Variants in RALGDS observed in about 807,000 individuals in gnomAD.
The protein encoded by RALGDS is ral guanine nucleotide exchange factor.
Under a neutral mutation model 99.8 loss-of-function variants are expected in RALGDS, and 44 were observed. The ratio of observed to expected loss-of-function variants is 0.44; its 90% CI spans 0.35 to 0.57. The LOEUF (loss-of-function observed/expected upper bound fraction) is 0.57, where lower values mean the gene tolerates loss of function less well. Ranked by LOEUF, RALGDS falls within the 20% of genes least tolerant of loss-of-function variation. The probability of loss-of-function intolerance (pLI) is 0.01; values close to 1 mark genes in which losing one functional copy is unlikely to be tolerated. For synonymous variants in RALGDS, 529 were observed against 505.0 expected (o/e 1.05, Z -0.64); for missense variants, 1,022 against 1,203.1 (o/e 0.85, Z 2.23).
At chr9:133,118,698 C>A (rs1831745865) in intron 1 of RALGDS, among the ~76,000 whole-genome samples, 1 of 152,206 alleles carries the variant, frequency 6.6e-6, no homozygotes. Flanking sequence ...TTCCTCTGAG[C>A]CATAAGCTTC....
At chr9:133,123,957 C>CAGAGAGACAGAGACACAG (rs1832052822), upstream of RALGDS, among the ~76,000 whole-genome samples, 1 of 146,224 alleles carries the variant, frequency 6.8e-6, no homozygotes. Context: ...GATGCACACA[C>CAGAGAGACAGAGACACAG]AGAGACACAC....
At position 133,107,285 on chromosome 9, in the gene RALGDS, CCTT is replaced by C; in HGVS notation, c.1210_1212del (p.Lys404del). On this transcript the variant is annotated inframe_deletion, in exon 7 of 18. Transcript: ENST00000372050. ...GAGCCCAGGCAGTGGTAGGGCACCA[CCTT>C]CTTGAACAGTTCCTGGGGAGGAGGC... 1.2e-6 allele frequency: 2 copies of C among 1,613,450 alleles called. No homozygotes were observed. Among genetic ancestry groups the C allele is most frequent in the Non-Finnish European group, 1.7e-6 (2 of 1,179,834 alleles).
At chr9:133,142,623 C>CCCCA (rs1832541978) in intron 1 of RALGDS, among the ~76,000 whole-genome samples, 1 of 152,174 alleles carries the variant, frequency 6.6e-6, no homozygotes, top group African/African-American at 2.4e-5. Context: ...TAAGCTCACA[C>CCCCA]CCCACCCCTA....
At chr9:133,121,279 G>A, upstream of RALGDS, 4 of 980,118 alleles carry the variant, frequency 4.1e-6, no homozygotes, top group Non-Finnish European at 4.8e-6. Flanking sequence ...TCAGGCTGGG[G>A]GGCGGGGCCG....
Position 133,108,814 on chromosome 9 carries a change from A to C in RALGDS, c.637T>G (p.Cys213Gly). 1 of 1,613,342 alleles carries C rather than the reference A, an allele frequency of 6.2e-7. No homozygotes were observed. The highest frequency in any genetic ancestry group is 8.5e-7 in the Non-Finnish European group (1 of 1,179,958). ...AGGCAGGGAAAGTCCGGAGGTTGAC[A>C]GAAATCCTCCGAGTACTGGTCCAGC... is the stretch of plus-strand genomic sequence containing the variant. ...TWLDQYSEDF[C>G]QPPDFPCLKQ... Residue 213 changes from cysteine (C) to glycine (G), a missense_variant, in exon 5 of 18, where the codon TGT becomes GGT. Transcript: ENST00000372050.
intron 1 of RALGDS, among the ~76,000 whole-genome samples, chr9:133,138,760 G>A (rs928790509): frequency 2.0e-5 from 3 of 152,084 alleles, no homozygotes; most frequent in Admixed American, 1.3e-4. Flanking sequence ...TCAGCCTCCC[G>A]AGTAGCTGGA....
rs994489463 is a variant in RALGDS at position 133,144,677 on chromosome 9, G to A, written c.18+4286C>T. On this transcript the variant is annotated intron_variant, in intron 1 of 17. Coordinates refer to the RALGDS transcript ENST00000393160. The surrounding 1 kb of genome is among the most constrained non-coding windows in gnomAD (Gnocchi z 4.5). ...CTCACGCCCCCACACCCCCTGGCTGGGGGCTGGGTTCCTGCGATGTCTTCC... is the reference window on the plus strand; with the variant it reads ...CTCACGCCCCCACACCCCCTGGCTGAGGGCTGGGTTCCTGCGATGTCTTCC... Among the ~76,000 whole-genome samples the A allele has an allele frequency of 5.9e-5, 9 of 152,212 alleles. No individual in the cohort carries two copies. Among genetic ancestry groups the A allele is most frequent in the Non-Finnish European group, 1.2e-4 (8 of 68,026 alleles).
At chr9:133,123,909 GAC>G (rs61109579), upstream of RALGDS, among the ~76,000 whole-genome samples, 14,974 of 27,584 alleles carry the variant, frequency 0.54, 4,939 homozygotes, top group Non-Finnish European at 0.67. Context: ...CAGAGACACA[GAC>G]ACACACACAC....
chr9:133,115,052 C>A (rs1157418704), intron 1 of RALGDS, among the ~76,000 whole-genome samples: 1 of 152,174 alleles, frequency 6.6e-6, no homozygotes, highest in Non-Finnish European at 1.5e-5. Flanking sequence ...ATGCCGTGTC[C>A]CTGGCTGACA....
chr9:133,128,989 A>G (rs1308401540), intron 1 of RALGDS: 24 of 985,472 alleles, frequency 2.4e-5, no homozygotes, highest in Admixed American at 3.0e-5. Context: ...GAGATGGGAG[A>G]TGAAGACTCC....
intron 1 of RALGDS, chr9:133,129,358 G>A: frequency 1.3e-6 from 2 of 1,528,286 alleles, no homozygotes; most frequent in African/African-American, 1.4e-5. Context: ...CCCTGCGGGA[G>A]GCCCTCTGCC....
chr9:133,100,455 G>T (rs1830702355), intron 16 of RALGDS, 73 bp from the exon 17 acceptor site: 3 of 1,608,360 alleles, frequency 1.9e-6, no homozygotes, highest in Admixed American at 3.3e-5. Context: ...AGTGGCCAAG[G>T]ACCCTCTGGA....
chr9:133,106,180 A>G (rs561126140), intron 8 of RALGDS, among the ~76,000 whole-genome samples, 164 bp from the exon 9 acceptor site: 94 of 151,464 alleles, frequency 6.2e-4, no homozygotes, highest in African/African-American at 2.2e-3. Context: ...GGGGGCCTTC[A>G]TGTTGGTGCA....
chr9:133,108,699 G>A lies in RALGDS; in HGVS notation c.752C>T (p.Ser251Leu), dbSNP rs746941762. 53 of 1,613,680 alleles carry A rather than the reference G, an allele frequency of 3.3e-5. No individual in the cohort carries two copies. Among genetic ancestry groups the A allele is most frequent in the African/African-American group, 9.3e-5 (7 of 75,028 alleles). Residue 251 changes from serine to leucine, a missense_variant, in exon 5 of 18, where the codon TCG becomes TTG. Around this residue, in one of 3 missense-constraint regions of RALGDS, gnomAD observed 825 missense variants for 994.5 expected, o/e 0.83. Transcript: ENST00000372050. ...AHLLLAQLEH[S>L]EPIEAEPEAL... ...CTCAGGCTCTGCCTCAATGGGTTCC[G>A]AGTGCTCCAGCTGGGCCAGGAGAAG...
Position 133,102,775 on chromosome 9 carries a change from T to A in RALGDS, c.1913+4A>T. 2 of 1,611,502 alleles carry A rather than the reference T, an allele frequency of 1.2e-6. No homozygotes were observed. Among genetic ancestry groups the A allele is most frequent in the Non-Finnish European group, 1.7e-6 (2 of 1,179,710 alleles). On this transcript the variant is annotated splice_donor_region_variant and intron_variant, in intron 13 of 17. Coordinates refer to ENST00000372050, the MANE Select transcript of RALGDS (RefSeq NM_006266.4). ...ACTGTCCCCATTTGCTGCCCCGGCC[T>A]CACCTCTCAGTCTCGCTGAGCCGCT...
intron 1 of RALGDS, among the ~76,000 whole-genome samples, chr9:133,128,935 G>A (rs963418003): frequency 9.9e-5 from 15 of 152,154 alleles, no homozygotes; most frequent in Admixed American, 5.2e-4. Context: ...TGTGCACACG[G>A]GCACCAGCAG....
In RALGDS at chr9:133,112,079, A is replaced by G. The variant is rs1831376083; in HGVS notation, c.257T>C (p.Leu86Pro). Reference protein sequence around the residue: ...IYSISLRKVQLHHGGNKGQRW... With the variant: ...IYSISLRKVQPHHGGNKGQRW... ...CTGCCCCTTGTTGCCTCCGTGGTGC[A>G]GCTGCACCTTGCGCAGGGAGATGGA... Residue 86 changes from leucine (L) to proline (P), a missense_variant, in exon 2 of 18, where the codon CTG becomes CCG. Leu to Pro is a moderately conservative substitution (Grantham distance 98). This residue lies in a region of RALGDS where 180 missense variants were observed against 169.3 expected (regional missense o/e 1.06). Coordinates refer to ENST00000372050, the MANE Select transcript of RALGDS (RefSeq NM_006266.4). The G allele has an allele frequency of 2.5e-6, 4 of 1,586,240 alleles. No individual in the cohort carries two copies. Among genetic ancestry groups the G allele is most frequent in the Non-Finnish European group, 3.4e-6 (4 of 1,165,272 alleles).
intron 1 of RALGDS, among the ~76,000 whole-genome samples, chr9:133,120,428 A>ACCCC (rs71378548): frequency 1.6e-3 from 98 of 60,016 alleles, no homozygotes; most frequent in Non-Finnish European, 2.1e-3. Flanking sequence ...CCATCCCCCG[A>ACCCC]CCCCCCCCCC....
Position 133,108,626 on chromosome 9 carries a change from C to T in RALGDS, c.778+47G>A, listed in dbSNP as rs373293269. 28 of 1,605,084 alleles carry T rather than the reference C, an allele frequency of 1.7e-5. No homozygotes were observed. The African/African-American group carries it at 2.1e-4, about 12-fold the overall frequency. On this transcript the variant is annotated intron_variant, in intron 5 of 17. Transcript: ENST00000372050. Reference sequence around the variant, plus strand: ...GCCTCCTCTTCGTGTGGCCCAGCACCGACCCCTCCTCATTCACCCTCTGGC... The same window carrying T: ...GCCTCCTCTTCGTGTGGCCCAGCACTGACCCCTCCTCATTCACCCTCTGGC...
Sources: allele counts gnomAD v4.1 joint callset (sites outside exome capture counted in the v4.1 genomes callset), GRCh38; gene constraint gnomAD v4.1.1; regional missense constraint gnomAD v4.1.1; non-coding constraint Gnocchi (gnomAD v3.1); transcripts MANE v1.5; gene names NCBI Gene and HGNC (gene_info 2026-07-23, HGNC 2026-07-21).